Variants in TMEM67 observed in about 807,000 individuals in gnomAD.
The protein encoded by TMEM67 is meckelin.
TMEM67 carries 124 observed loss-of-function variants against 136.6 expected under a neutral mutation model. The ratio of observed to expected loss-of-function variants is 0.91; its 90% CI spans 0.78 to 1.05. The LOEUF is 1.05. Among genes scored for constraint, TMEM67 ranks in the 50% least tolerant of loss-of-function variants. The pLI, the probability that TMEM67 is intolerant of heterozygous loss-of-function variation, is 0.00. For synonymous variants in TMEM67, 364 were observed against 390.5 expected (o/e 0.93, Z 0.80); for missense variants, 1,107 against 1,178.4 (o/e 0.94, Z 0.89).
intron 11 of TMEM67, 111 bp downstream of exon 11, chr8:93,782,571 G>GTT (rs1238113432): frequency 0.015 from 6,755 of 453,946 alleles, no homozygotes; most frequent in East Asian, 0.021. Context: ...TTTATTCTTG[G>GTT]TTTTTTTTTT....
At chr8:93,784,907 C>T (rs901740830) in intron 11 of TMEM67, among the ~76,000 whole-genome samples, 1 of 152,006 alleles carries the variant, frequency 6.6e-6, no homozygotes, top group African/African-American at 2.4e-5. Context: ...CACTGATGTA[C>T]CCTTAATATT....
intron 23 of TMEM67, among the ~76,000 whole-genome samples, chr8:93,808,144 C>T (rs1196587434): frequency 6.6e-6 from 1 of 150,466 alleles, no homozygotes; most frequent in African/African-American, 2.4e-5. Context: ...TATCAATATA[C>T]AATAAACATA....
chr8:93,775,422 T>C (rs1411552642), intron 7 of TMEM67, among the ~76,000 whole-genome samples: 1 of 152,250 alleles, frequency 6.6e-6, no homozygotes, highest in African/African-American at 2.4e-5. Context: ...CATGAAGTCC[T>C]TGCCCGTGCC....
chr8:93,790,903 A>T (rs1462687812), intron 14 of TMEM67, among the ~76,000 whole-genome samples: 1 of 152,192 alleles, frequency 6.6e-6, no homozygotes, highest in Non-Finnish European at 1.5e-5. Flanking sequence ...CCTTTGATTA[A>T]TCTGCGGTTT....
intron 3 of TMEM67, chr8:93,759,434 G>A (rs1371635637): frequency 7.0e-6 from 1 of 142,598 alleles, no homozygotes; most frequent in Non-Finnish European, 1.5e-5. Flanking sequence ...CTGCACTCCA[G>A]CCTGAGCGAC....
intron 7 of TMEM67, among the ~76,000 whole-genome samples, chr8:93,778,009 A>G (rs970504238): frequency 1.3e-5 from 2 of 152,176 alleles, no homozygotes; most frequent in Non-Finnish European, 2.9e-5. Flanking sequence ...TAGGTCTCTA[A>G]GGACTTGCTT....
chr8:93,767,446 C>T (rs1011845632), intron 6 of TMEM67, among the ~76,000 whole-genome samples: 1 of 152,198 alleles, frequency 6.6e-6, no homozygotes, highest in African/African-American at 2.4e-5. Flanking sequence ...GCATTAGTCT[C>T]CATTGTTGAA....
At position 93,808,130 on chromosome 8, in the gene TMEM67, A is replaced by C. The variant is rs571765941; in HGVS notation, c.2440-710A>C. Among the ~76,000 whole-genome samples the C allele has an allele frequency of 5.3e-5, 8 of 151,198 alleles. No homozygotes were observed. The East Asian group carries it at 1.5e-3, about 29-fold the overall frequency. ...ATAAGGTCAATTATAAAGGAAGCTA[A>C]GAATATCAATATACAATAAACATAT... On this transcript the variant is annotated intron_variant, in intron 23 of 27. Transcript: ENST00000453321.
rs1301229055 is a variant in TMEM67 at position 93,771,404 on chromosome 8, G to A, written c.652-1185G>A. Among the ~76,000 whole-genome samples the A allele has an allele frequency of 2.0e-5, 3 of 151,960 alleles. No homozygotes were observed. The East Asian group carries it at 5.8e-4, about 29-fold the overall frequency. ...AGCATAGCTCCTGTGTTGTTTTGAC[G>A]TGACTTTAGACTTTAGGGATTTCTT... is the stretch of plus-strand genomic sequence containing the variant. On this transcript the variant is annotated intron_variant, in intron 6 of 27. Transcript: ENST00000453321.
chr8:93,781,011 A>C, intron 9 of TMEM67, 29 bp downstream of exon 9: 9 of 1,311,920 alleles, frequency 6.9e-6, no homozygotes, highest in Non-Finnish European at 9.9e-6. Flanking sequence ...ATTAGAGGAT[A>C]ACTACATTTT....
chr8:93,760,682 A>AG (rs1028521343), intron 3 of TMEM67, among the ~76,000 whole-genome samples: 4 of 151,754 alleles, frequency 2.6e-5, no homozygotes, highest in Non-Finnish European at 4.4e-5. Context: ...GTCTACAAAA[A>AG]AAAAAGAAAA....
At chr8:93,818,977 ATT>A (rs774157697), downstream of TMEM67, 54 of 404,004 alleles carry the variant, frequency 1.3e-4, 1 homozygote, top group East Asian at 3.9e-3. Flanking sequence ...AATTTTTTGT[ATT>A]TTTTTTGTAG....
At position 93,808,911 on chromosome 8, in the gene TMEM67, C is replaced by A. The variant is rs1808579255; in HGVS notation, c.2511C>A (p.Asn837Lys). ...AGACTTTTGAGATTGCAATTTCTAA[C>A]CAGATGAGACAACATTATGACAGAA... is the stretch of plus-strand genomic sequence containing the variant. Reference protein sequence around the residue: ...DGQTFEIAISNQMRQHYDRIH... With the variant: ...DGQTFEIAISKQMRQHYDRIH... Residue 837 changes from asparagine to lysine, a missense_variant, in exon 24 of 28, where the codon AAC (asparagine) becomes AAA (lysine). Asn to Lys is a moderately conservative substitution (Grantham distance 94). This residue lies in a region of TMEM67 where 925 missense variants were observed against 1,002.4 expected (regional missense o/e 0.92). Coordinates refer to ENST00000453321, the MANE Select transcript of TMEM67 (RefSeq NM_153704.6). 6.2e-7 allele frequency: 1 copy of A among 1,612,162 alleles called. No homozygotes were observed. The highest frequency in any genetic ancestry group is 1.7e-5 in the Admixed American group (1 of 59,948).
intron 26 of TMEM67, among the ~76,000 whole-genome samples, chr8:93,813,692 A>T (rs540198618): frequency 6.6e-6 from 1 of 152,226 alleles, no homozygotes; most frequent in Admixed American, 6.5e-5. Flanking sequence ...AAAGAGGATG[A>T]ATTTAGTTTT....
chr8:93,771,000 C>T (rs559893772), intron 6 of TMEM67, among the ~76,000 whole-genome samples: 5 of 148,604 alleles, frequency 3.4e-5, no homozygotes, highest in South Asian at 2.1e-4. Context: ...GGGCAACAAG[C>T]GAAATTCCGT....
chr8:93,781,865 C>T, intron 10 of TMEM67, 121 bp downstream of exon 10: 2 of 532,138 alleles, frequency 3.8e-6, no homozygotes, highest in Non-Finnish European at 6.5e-6. Flanking sequence ...GATTTTTTTT[C>T]TGATGCTTTA....
chr8:93,812,704 G>T (rs542818390), intron 26 of TMEM67, among the ~76,000 whole-genome samples: 1 of 152,198 alleles, frequency 6.6e-6, no homozygotes, highest in South Asian at 2.1e-4. Flanking sequence ...ATCTGTTATG[G>T]GTAGGCACTC....
intron 3 of TMEM67, among the ~76,000 whole-genome samples, chr8:93,761,032 C>T (rs141359174): frequency 1.1e-4 from 16 of 152,066 alleles, no homozygotes; most frequent in African/African-American, 3.6e-4. Context: ...TTTTTTCGAC[C>T]GGGCACAGTG....
Position 93,758,504 on chromosome 8 carries a change from T to C in TMEM67, c.334T>C (p.Trp112Arg). 1.2e-6 allele frequency: 2 copies of C among 1,613,846 alleles called. No homozygotes were observed. Among genetic ancestry groups the C allele is most frequent in the Non-Finnish European group, 1.7e-6 (2 of 1,179,830 alleles). Residue 112 changes from tryptophan to arginine, a missense_variant, in exon 3 of 28, where the codon TGG (tryptophan) becomes CGG (arginine). Trp to Arg is a moderately radical substitution (Grantham distance 101, BLOSUM62 -3). This residue lies in a region of TMEM67 where 178 missense variants were observed against 159.2 expected (regional missense o/e 1.12). Coordinates refer to ENST00000453321, the MANE Select transcript of TMEM67 (RefSeq NM_153704.6). ...TTAGAAAGGTGTTACAGAAGATGGC[T>C]GGAACTGCATTTCTTGCCCTAGTGA... is the stretch of plus-strand genomic sequence containing the variant. ...ENMKGVTEDG[W>R]NCISCPSDLT...
Sources: gnomAD v4.1 joint callset for allele counts (sites outside exome capture counted in the v4.1 genomes callset) on GRCh38, gnomAD v4.1.1 for gene constraint, gnomAD v4.1.1 regional missense constraint, MANE v1.5 for transcripts, NCBI Gene and HGNC (gene_info 2026-07-23, HGNC 2026-07-21) for gene names.